ZNF717: variants seen among roughly 807,000 people sequenced by gnomAD.
ZNF717 encodes the protein zinc finger protein 717.
Under a neutral mutation model 13.8 loss-of-function variants are expected in ZNF717, and 9 were observed. The ratio of observed to expected loss-of-function variants is 0.65; its 90% confidence interval spans 0.39 to 1.14. The LOEUF is 1.14. ZNF717 is among the 50% of genes most tolerant of loss of function. The pLI is 0.01. For missense variants in ZNF717, 1,040 were observed against 1,080.7 expected, an observed-to-expected ratio of 0.96 and a Z score of 0.53; for synonymous variants, 327 against 364.1, an observed-to-expected ratio of 0.90 and a Z score of 1.16.
chr3:75,755,155 G>T (rs1389831597), intron 2 of ZNF717, among the ~76,000 whole-genome samples: 1 of 152,132 alleles, frequency 6.6e-6, no homozygotes, highest in African/African-American at 2.4e-5. Flanking sequence ...AAAAATTCAA[G>T]AAACTTGTTG....
At chr3:75,767,263 C>CAGCAACACACACTCCTA (rs1943552291) in intron 2 of ZNF717, among the ~76,000 whole-genome samples, 1 of 151,962 alleles carries the variant, frequency 6.6e-6, no homozygotes, top group African/African-American at 2.4e-5. Context: ...ACTAGTGAGC[C>CAGCAACACACACTCCTA]ACCCTGCACA....
At chr3:75,765,578 T>C (rs377761644) in intron 2 of ZNF717, among the ~76,000 whole-genome samples, 1 of 152,086 alleles carries the variant, frequency 6.6e-6, no homozygotes, top group African/African-American at 2.4e-5. Context: ...GTCAGGCTAA[T>C]TTTTGGTTTG....
chr3:75,767,646 T>C (rs1182976615), intron 2 of ZNF717, among the ~76,000 whole-genome samples: 2 of 152,114 alleles, frequency 1.3e-5, no homozygotes, highest in Non-Finnish European at 2.9e-5. Context: ...GCTGAGGGAC[T>C]GTGGGAAAAC....
rs535665109 is a variant in ZNF717 at position 75,779,721 on chromosome 3, A to G, written c.57+3585T>C. Among the ~76,000 whole-genome samples the G allele has an allele frequency of 2.0e-5, 3 of 149,680 alleles. No individual in the cohort carries two copies. The East Asian group carries it at 6.2e-4, about 31-fold the overall frequency. ...AAAGCAATGGGAGTGACGTGCTAAA[A>G]CCGGAACCCAAAACCATGGGAGTGT... is the stretch of plus-strand genomic sequence containing the variant. On this transcript the variant is annotated intron_variant, in intron 2 of 4. Transcript: ENST00000652011.
chr3:75,756,336 GC>G (rs1942470993), intron 2 of ZNF717, among the ~76,000 whole-genome samples: 1 of 152,052 alleles, frequency 6.6e-6, no homozygotes, highest in Admixed American at 6.6e-5. Context: ...TTAAATTGTG[GC>G]CAATTAATAA....
chr3:75,723,248 C>CTTTTTTTTTTTTTT (rs112455865), intron 4 of ZNF717, among the ~76,000 whole-genome samples: 3 of 88,656 alleles, frequency 3.4e-5, no homozygotes, highest in Admixed American at 1.7e-4. Flanking sequence ...GACAATCTCA[C>CTTTTTTTTTTTTTT]TTTTTTTTTT....
At chr3:75,728,676 G>A (rs1316190407), downstream of ZNF717, among the ~76,000 whole-genome samples, 7 of 152,244 alleles carry the variant, frequency 4.6e-5, no homozygotes, top group African/African-American at 7.2e-5. Flanking sequence ...TGTCTCTCCT[G>A]CCACCCTGTG....
intron 2 of ZNF717, among the ~76,000 whole-genome samples, chr3:75,745,138 C>T (rs1322335582): frequency 1.4e-5 from 2 of 148,096 alleles, no homozygotes; most frequent in African/African-American, 5.0e-5. Flanking sequence ...CCTCACAACA[C>T]TGCTGCTGTG....
At chr3:75,732,958 G>A (rs1393577416), downstream of ZNF717, among the ~76,000 whole-genome samples, 1 of 152,200 alleles carries the variant, frequency 6.6e-6, no homozygotes, top group Admixed American at 6.5e-5. Context: ...TGAGTAGTAT[G>A]CTAAGGGCTC....
Position 75,737,613 on chromosome 3 carries a change from CGT to C in ZNF717, c.2008_2009del (p.Thr670GlyfsTer80). Reference protein sequence around the residue: ...SFLTIHQRTHTGKNRMDVMNV... With the variant: ...SFLTIHQRTHXGKNRMDVMNV... ...TCATTACATCCATACGGTTTTTCCC[CGT>C]GTGAGTTCTCTGGTGTATGGTGAGG... On this transcript the variant is annotated frameshift_variant, in exon 5 of 5. Coordinates refer to ENST00000652011, the MANE Select transcript of ZNF717 (RefSeq NM_001290208.3). LOFTEE classifies it low-confidence loss of function (END_TRUNC). 1 of 1,543,450 alleles carries C rather than the reference CGT, an allele frequency of 6.5e-7. No individual in the cohort carries two copies. The highest frequency in any genetic ancestry group is 8.8e-7 in the Non-Finnish European group (1 of 1,141,660).
At chr3:75,725,762 A>T (rs1456178915), downstream of ZNF717, among the ~76,000 whole-genome samples, 1 of 152,202 alleles carries the variant, frequency 6.6e-6, no homozygotes, top group South Asian at 2.1e-4. Context: ...ATTCACTATC[A>T]TAAGAACAAC....
At chr3:75,704,684 C>T (rs75388022), downstream of ZNF717, among the ~76,000 whole-genome samples, 139 of 152,360 alleles carry the variant, frequency 9.1e-4, no homozygotes, top group Middle Eastern at 6.8e-3. Flanking sequence ...GCTCTCTGTC[C>T]CTCACCTGAG....
chr3:75,765,515 A>G (rs937376223), intron 2 of ZNF717, among the ~76,000 whole-genome samples: 81 of 152,234 alleles, frequency 5.3e-4, no homozygotes, highest in African/African-American at 1.9e-3. Context: ...GGCTCAAGCA[A>G]CCCTCCCACC....
intron 2 of ZNF717, among the ~76,000 whole-genome samples, chr3:75,746,541 CTGT>C (rs1262120247): frequency 1.6e-4 from 25 of 152,236 alleles, no homozygotes; most frequent in African/African-American, 5.5e-4. Flanking sequence ...TCTCCAGCAC[CTGT>C]TGTTTCCTGA....
chr3:75,765,967 G>T lies in ZNF717; in HGVS notation c.57+17339C>A, dbSNP rs138695273. 2.3e-3 allele frequency among the ~76,000 whole-genome samples: 348 copies of T among 152,236 alleles called. 12 individuals carry two copies. The East Asian group carries it at 0.061, about 27-fold the overall frequency. ...CTACAAAAAATATAAAAATTAGCCA[G>T]GTATGGTGCCATGCACCTGTAGTCC... On this transcript the variant is annotated intron_variant, in intron 2 of 4. Coordinates refer to ENST00000652011, the MANE Select transcript of ZNF717 (RefSeq NM_001290208.3).
rs1362240733 is a variant in ZNF717 at position 75,741,594 on chromosome 3, G to A, written c.184+16C>T. 1.3e-6 allele frequency: 2 copies of A among 1,593,788 alleles called. No homozygotes were observed. The highest frequency in any genetic ancestry group is 1.8e-5 in the Admixed American group (1 of 56,464). On this transcript the variant is annotated intron_variant, in intron 3 of 4. Transcript: ENST00000652011. The stretch of plus-strand genomic sequence containing the variant: ...ACAAAATACAATCCTGGGAGTTACT[G>A]GCAAGTTTCACTCACCCAATGATAC...
intron 5 of ZNF717, among the ~76,000 whole-genome samples, chr3:75,712,279 T>C (rs1439598232): frequency 1.3e-5 from 2 of 152,274 alleles, no homozygotes; most frequent in East Asian, 3.8e-4. Context: ...AGAAGATGGC[T>C]GTTAAGGGAA....
rs71101852 is a variant in ZNF717 at position 75,764,990 on chromosome 3, GATATATATATATATAT to G, written c.57+18300_57+18315del. ...CCAGGAATGGACGGATAAACAAAAG[GATATATATATATATAT>G]ATATATATATATATATATATATATG... On this transcript the variant is annotated intron_variant, in intron 2 of 4. Coordinates refer to ENST00000652011, the MANE Select transcript of ZNF717 (RefSeq NM_001290208.3). 3.3e-3 allele frequency among the ~76,000 whole-genome samples: 333 copies of G among 102,356 alleles called. 2 individuals carry two copies. The highest frequency in any genetic ancestry group is 0.01 in the Admixed American group (100 of 9,634). 67.1% of individuals were successfully genotyped at this position (102,356 alleles called of 152,430 possible).
intron 2 of ZNF717, among the ~76,000 whole-genome samples, chr3:75,760,350 T>G (rs1205400961): frequency 2.6e-5 from 4 of 152,242 alleles, no homozygotes; most frequent in African/African-American, 7.2e-5. Flanking sequence ...GGCCTGGAAT[T>G]TTTTTCTAAA....
Sources: allele counts gnomAD v4.1 joint callset (sites outside exome capture counted in the v4.1 genomes callset), GRCh38; gene constraint gnomAD v4.1.1; transcripts MANE v1.5; gene names NCBI Gene and HGNC (gene_info 2026-07-23, HGNC 2026-07-21).